The following NTN3 variants were observed in gnomAD, a reference collection of about 807,000 sequenced individuals.
NTN3 encodes the protein netrin 3.
NTN3 carries 44 observed loss-of-function variants against 37.2 expected under a neutral mutation model. That is an observed-to-expected ratio of 1.18 (90% CI 0.93 to 1.52). NTN3 has a LOEUF of 1.52. NTN3 is among the 40% of genes most tolerant of loss of function. NTN3 has a pLI of 0.00. For synonymous variants in NTN3, 385 were observed against 376.0 expected (o/e 1.02, Z -0.28); for missense variants, 882 against 857.3 (o/e 1.03, Z -0.36).
rs2065519683 is a variant in NTN3, at chr16:2,471,323, G to C, written c.-379G>C. 6.6e-6 allele frequency among the ~76,000 whole-genome samples: 1 copy of C among 151,994 alleles called. No homozygotes were observed. The highest frequency in any genetic ancestry group is 1.5e-5 in the Non-Finnish European group (1 of 67,948). Reference sequence around the variant, plus strand: ...CAGCTCGTCCGCCCTCGCTGCAGCCGGGAGGAGGCGGCGGCCCGTGCACCG... The same window carrying C: ...CAGCTCGTCCGCCCTCGCTGCAGCCCGGAGGAGGCGGCGGCCCGTGCACCG... On this transcript the variant is annotated 5_prime_UTR_variant, in exon 1 of 6. Transcript: ENST00000293973.
Position 2,473,813 on chromosome 16 carries a change from C to T in NTN3, c.1451C>T (p.Pro484Leu), listed in dbSNP as rs2065538899. The change falls in exon 6 of 6, where the codon CCG becomes CTG. Residue 484 changes from proline to leucine, a missense_variant. By Grantham distance (98) the Pro-to-Leu change is moderately conservative. Coordinates refer to ENST00000293973, the MANE Select transcript of NTN3 (RefSeq NM_006181.3). ...GEARGAWTRF[P>L]VAVLAVFRSG... ...GCGCGCGGCGCGTGGACACGCTTCC[C>T]GGTGGCGGTGCTCGCCGTGTTCCGG... 2.2e-6 allele frequency: 3 copies of T among 1,389,658 alleles called. No individual in the cohort carries two copies. Among genetic ancestry groups the T allele is most frequent in the South Asian group, 1.6e-5 (1 of 61,342 alleles). 86.1% of individuals were successfully genotyped at this position (1,389,658 alleles called of 1,614,324 possible).
rs1304293411 is a variant in NTN3, at chr16:2,472,025, G to C, written c.324G>C (p.Thr108=). ...LPRAPLNVTL[T]VPLGKAFELV... The stretch of plus-strand genomic sequence containing the variant: ...GGGCGCCCCTCAACGTGACTCTCAC[G>C]GTGCCCCTGGGCAAGGCTTTTGAGC... The change falls in exon 1 of 6, where the codon ACG becomes ACC. Residue 108 remains threonine, a synonymous_variant. Coordinates refer to ENST00000293973, the MANE Select transcript of NTN3 (RefSeq NM_006181.3). 17 of 1,607,666 alleles carry C rather than the reference G, an allele frequency of 1.1e-5. No homozygotes were observed. The highest frequency in any genetic ancestry group is 1.3e-5 in the Non-Finnish European group (15 of 1,179,532).
chr16:2,472,357 A>C lies in NTN3; in HGVS notation c.656A>C (p.Asp219Ala). ...PVLQDWVTAT[D>A]VRVVLTRPST... The stretch of plus-strand genomic sequence containing the variant: ...CTCCAAGACTGGGTGACCGCCACCG[A>C]CGTCCGTGTAGTGCTCACAAGGCCT... Residue 219 changes from aspartate (D) to alanine (A), a missense_variant, in exon 1 of 6, where the codon GAC becomes GCC. Asp to Ala is a moderately radical substitution (Grantham distance 126). Transcript: ENST00000293973. The C allele has an allele frequency of 6.2e-7, 1 of 1,612,148 alleles. No individual in the cohort carries two copies. The highest frequency in any genetic ancestry group is 8.5e-7 in the Non-Finnish European group (1 of 1,179,400).
In NTN3 at chr16:2,472,453, T is replaced by C; in HGVS notation, c.752T>C (p.Val251Ala). ...PYSYAATDLQ[V>A]GGRCKCNGHA... ...TCCTACGCAGCCACCGACCTCCAGG[T>C]GGGCGGGCGCTGCAAGTGCAATGGA... The change falls in exon 1 of 6, where the codon GTG (valine) becomes GCG (alanine). Residue 251 changes from valine (V) to alanine (A), a missense_variant. Transcript: ENST00000293973. 6.3e-7 allele frequency: 1 copy of C among 1,596,642 alleles called. No individual in the cohort carries two copies. The highest frequency in any genetic ancestry group is 8.6e-7 in the Non-Finnish European group (1 of 1,164,666).
Position 2,473,924 on chromosome 16 carries a change from C to T in NTN3, c.1562C>T (p.Pro521Leu), listed in dbSNP as rs2065540483. The part of the protein sequence containing the change: ...DAACGCPRLL[P>L]GRRYLLLGGG... ...GCCTGCGGCTGCCCGCGCCTGCTCC[C>T]CGGCCGCCGCTACCTCCTGCTGGGG... is the stretch of plus-strand genomic sequence containing the variant. Residue 521 changes from proline (P) to leucine (L), a missense_variant, in exon 6 of 6, where the codon CCC becomes CTC. Physicochemically the swap from Pro to Leu is moderately conservative, Grantham distance 98 (BLOSUM62 -3). Transcript: ENST00000293973. 1.7e-6 allele frequency: 2 copies of T among 1,187,160 alleles called. No homozygotes were observed. Among genetic ancestry groups the T allele is most frequent in the Non-Finnish European group, 2.1e-6 (2 of 959,832 alleles). 73.5% of individuals were successfully genotyped at this position (1,187,160 alleles called of 1,614,324 possible). A position where few individuals can be genotyped will look rare whatever the true frequency, so the allele number is the denominator to read the frequency against.
In NTN3 at chr16:2,473,982, G is replaced by A; in HGVS notation, c.1620G>A (p.Gly540=). 2 of 1,167,030 alleles carry A rather than the reference G, an allele frequency of 1.7e-6. No homozygotes were observed. The highest frequency in any genetic ancestry group is 4.2e-5 in the South Asian group (1 of 23,804). The allele number at this position is 1,167,030 out of a possible 1,614,324, so 72.3% of individuals were successfully genotyped here. Residue 540 remains glycine, a synonymous_variant, in exon 6 of 6, where the codon GGG becomes GGA. Transcript: ENST00000293973. The part of the protein sequence containing the change: ...GGPGAAAGGA[G]GRGPGLIAAR... ...CTGGAGCCGCGGCTGGGGGCGCGGG[G>A]GGCCGGGGGCCCGGGCTCATCGCCG...
chr16:2,473,525 G>C (rs1210411468), intron 5 of NTN3, 22 bp downstream of exon 5: 1 of 1,606,760 alleles, frequency 6.2e-7, no homozygotes, highest in African/African-American at 1.3e-5. Flanking sequence ...CAGGCCTCCC[G>C]CGGACCTTCC....
rs747227307 is a variant in NTN3 at position 2,472,158 on chromosome 16, C to T, written c.457C>T (p.His153Tyr). 3 of 1,608,608 alleles carry T rather than the reference C, an allele frequency of 1.9e-6. No individual in the cohort carries two copies. The highest frequency in any genetic ancestry group is 1.1e-5 in the South Asian group (1 of 91,038). Residue 153 changes from histidine to tyrosine, a missense_variant, in exon 1 of 6, where the codon CAC (histidine) becomes TAC (tyrosine). Physicochemically the swap from His to Tyr is moderately conservative, Grantham distance 83 (BLOSUM62 2). Transcript: ENST00000293973. ...GGCCCCGCTGGGCTTCTTCTCCTCC[C>T]ACTGTGACCTGGACTATGGCCGTCT... ...SWAPLGFFSS[H>Y]CDLDYGRLPA...
At position 2,471,998 on chromosome 16, in the gene NTN3, T is replaced by G; in HGVS notation, c.297T>G (p.Pro99=). The G allele has an allele frequency of 1.2e-6, 2 of 1,602,924 alleles. No homozygotes were observed. The highest frequency in any genetic ancestry group is 1.7e-6 in the Non-Finnish European group (2 of 1,178,958). The change falls in exon 1 of 6, where the codon CCT becomes CCG. Residue 99 remains proline (P), a synonymous_variant. Coordinates refer to ENST00000293973, the MANE Select transcript of NTN3 (RefSeq NM_006181.3). The part of the protein sequence containing the change: ...SPLCWRSESL[P]RAPLNVTLTV... ...TGTGCTGGCGCTCGGAGTCCCTGCC[T>G]CGGGCGCCCCTCAACGTGACTCTCA... is the stretch of plus-strand genomic sequence containing the variant.
Position 2,471,442 on chromosome 16 carries a change from C to G in NTN3, c.-260C>G. On this transcript the variant is annotated 5_prime_UTR_variant, in exon 1 of 6. Transcript: ENST00000293973. ...GAGTGCGAGCGGCGGGTGGGGCCTC[C>G]GCGGGCGGAGGCACCGGGAGCGGGG... 1 of 331,344 alleles carries G rather than the reference C, an allele frequency of 3.0e-6. No individual in the cohort carries two copies. Among genetic ancestry groups the G allele is most frequent in the Non-Finnish European group, 5.5e-6 (1 of 183,064 alleles). 20.5% of individuals were successfully genotyped at this position (331,344 alleles called of 1,614,324 possible).
chr16:2,472,481 T>C lies in NTN3; in HGVS notation c.780T>C (p.His260=). The change falls in exon 1 of 6, where the codon CAT becomes CAC. Residue 260 remains histidine, a synonymous_variant. Transcript: ENST00000293973. ...GCGGGCGCTGCAAGTGCAATGGACA[T>C]GCCTCACGGTGCCTGCTGGACACAC... ...QVGGRCKCNG[H]ASRCLLDTQG... The C allele has an allele frequency of 6.3e-7, 1 of 1,595,570 alleles. No homozygotes were observed. Among genetic ancestry groups the C allele is most frequent in the Non-Finnish European group, 8.6e-7 (1 of 1,164,428 alleles).
chr16:2,473,752 G>A lies in NTN3; in HGVS notation c.1394-4G>A. 2 of 1,418,604 alleles carry A rather than the reference G, an allele frequency of 1.4e-6. No individual in the cohort carries two copies. Among genetic ancestry groups the A allele is most frequent in the South Asian group, 1.5e-5 (1 of 65,348 alleles). The allele number at this position is 1,418,604 out of a possible 1,614,324, so 87.9% of individuals were successfully genotyped here. The stretch of plus-strand genomic sequence containing the variant: ...GACCCCGCCCCCTCTCGCTCTCCCC[G>A]CAGCGGTGCAGGTGGCGGTGGGTGC... On this transcript the variant is annotated splice_polypyrimidine_tract_variant and splice_region_variant and intron_variant, in intron 5 of 5. Coordinates refer to ENST00000293973, the MANE Select transcript of NTN3 (RefSeq NM_006181.3).
rs150045866 is a variant in NTN3, at chr16:2,472,505, A to G, written c.804A>G (p.Thr268=). ...ATGCCTCACGGTGCCTGCTGGACAC[A>G]CAGGGCCACCTGATCTGCGACTGTC... The part of the protein sequence containing the change: ...NGHASRCLLD[T]QGHLICDCRH... Residue 268 remains threonine (T), a synonymous_variant, in exon 1 of 6, where the codon ACA becomes ACG. Transcript: ENST00000293973. The G allele has an allele frequency of 1.4e-4, 224 of 1,594,402 alleles. No individual in the cohort carries two copies. Among genetic ancestry groups the G allele is most frequent in the East Asian group, 9.6e-4 (43 of 44,854 alleles).
rs1300357538 is a variant in NTN3, at chr16:2,471,502, G to T, written c.-200G>T. ...GTCATCGCTCTAGGCCCAGCGGGAG[G>T]ACGCGCCAACATCCCCGCTGCTGTG... On this transcript the variant is annotated 5_prime_UTR_variant, in exon 1 of 6. Transcript: ENST00000293973. The T allele has an allele frequency of 7.6e-6, 3 of 393,978 alleles. No homozygotes were observed. The highest frequency in any genetic ancestry group is 4.5e-5 in the Admixed American group (1 of 22,232). 24.4% of individuals were successfully genotyped at this position (393,978 alleles called of 1,614,324 possible). A position where few individuals can be genotyped will look rare whatever the true frequency, so the allele number is the denominator to read the frequency against.
In NTN3 at chr16:2,473,432, G is replaced by A. The variant is rs201376166; in HGVS notation, c.1322G>A (p.Cys441Tyr). The change falls in exon 5 of 6, where the codon TGT becomes TAT. Residue 441 changes from cysteine to tyrosine, a missense_variant. Physicochemically the swap from Cys to Tyr is radical, Grantham distance 194 (BLOSUM62 -2). Transcript: ENST00000293973. ...CAGCCTCCCACCTTCTACCCAGACTGTGACTCGCACTGCAAACCTGCCCGT... is the reference window on the plus strand; with the variant it reads ...CAGCCTCCCACCTTCTACCCAGACTATGACTCGCACTGCAAACCTGCCCGT... ...EDSSPVQPQD[C>Y]DSHCKPARGS... 6.2e-7 allele frequency: 1 copy of A among 1,613,010 alleles called. No homozygotes were observed. Among genetic ancestry groups the A allele is most frequent in the African/African-American group, 1.3e-5 (1 of 75,040 alleles).
At position 2,472,877 on chromosome 16, in the gene NTN3, C is replaced by T. The variant is rs1046940567; in HGVS notation, c.1105C>T (p.Arg369Trp). The T allele has an allele frequency of 3.8e-6, 6 of 1,596,454 alleles. No individual in the cohort carries two copies. The highest frequency in any genetic ancestry group is 2.7e-5 in the African/African-American group (2 of 74,380). ...CCCTGGCCGTGCCCTGAGTGACCGT[C>T]GGGCTTGCAGGGGTGAGCCACCACC... Reference protein sequence around the residue: ...RDPGRALSDRRACRACDCHPV... With the variant: ...RDPGRALSDRWACRACDCHPV... Residue 369 changes from arginine (R) to tryptophan (W), a missense_variant, in exon 2 of 6, where the codon CGG becomes TGG. By Grantham distance (101) the Arg-to-Trp change is moderately radical. Transcript: ENST00000293973.
Position 2,472,706 on chromosome 16 carries a change from T to C in NTN3, c.934T>C (p.Ser312Pro). The change falls in exon 2 of 6, where the codon TCC (serine) becomes CCC (proline). Residue 312 changes from serine (S) to proline (P), a missense_variant. Physicochemically the swap from Ser to Pro is moderately conservative, Grantham distance 74 (BLOSUM62 -1). Transcript: ENST00000293973. ...ARESHACLACSCNGHARRCRF... is the reference protein window; with the variant it reads ...ARESHACLACPCNGHARRCRF... Reference sequence around the variant, plus strand: ...TGACCCATCCCTCCCTGCAGCTTGCTCCTGCAACGGCCATGCCCGCCGCTG... The same window carrying C: ...TGACCCATCCCTCCCTGCAGCTTGCCCCTGCAACGGCCATGCCCGCCGCTG... The C allele has an allele frequency of 6.2e-7, 1 of 1,608,728 alleles. No individual in the cohort carries two copies. The highest frequency in any genetic ancestry group is 8.5e-7 in the Non-Finnish European group (1 of 1,179,306).
chr16:2,474,139 A>C lies in NTN3; in HGVS notation c.*34A>C, dbSNP rs182426816. On this transcript the variant is annotated 3_prime_UTR_variant, in exon 6 of 6. Transcript: ENST00000293973. The stretch of plus-strand genomic sequence containing the variant: ...GCTGGGCAGGGCGGCCGCTGCTCCC[A>C]CATCTAGGCGCACGTTCACCCTGTG... 14 of 1,164,442 alleles carry C rather than the reference A, an allele frequency of 1.2e-5. No homozygotes were observed. Among genetic ancestry groups the C allele is most frequent in the Non-Finnish European group, 1.2e-5 (11 of 945,028 alleles). The allele number at this position is 1,164,442 out of a possible 1,614,324, so 72.1% of individuals were successfully genotyped here.
In NTN3 at chr16:2,472,058, C is replaced by G; in HGVS notation, c.357C>G (p.Phe119Leu). The change falls in exon 1 of 6, where the codon TTC becomes TTG. Residue 119 changes from phenylalanine (F) to leucine (L), a missense_variant. Coordinates refer to ENST00000293973, the MANE Select transcript of NTN3 (RefSeq NM_006181.3). The part of the protein sequence containing the change: ...VPLGKAFELV[F>L]VSLRFCSAPP... ...TGGGCAAGGCTTTTGAGCTGGTCTTCGTGAGCCTGCGCTTCTGCTCAGCTC... is the reference window on the plus strand; with the variant it reads ...TGGGCAAGGCTTTTGAGCTGGTCTTGGTGAGCCTGCGCTTCTGCTCAGCTC... The G allele has an allele frequency of 5.0e-6, 8 of 1,608,682 alleles. No individual in the cohort carries two copies. The highest frequency in any genetic ancestry group is 6.8e-6 in the Non-Finnish European group (8 of 1,178,882).
Sources: gnomAD v4.1 joint callset for allele counts (sites outside exome capture counted in the v4.1 genomes callset) on GRCh38, gnomAD v4.1.1 for gene constraint, MANE v1.5 for transcripts, NCBI Gene and HGNC (gene_info 2026-07-23, HGNC 2026-07-21) for gene names.